Variants in TSC22D2 observed in about 807,000 individuals in gnomAD.
TSC22D2 encodes the protein TSC22 domain family protein 2.
A neutral mutation model predicts 50.1 loss-of-function variants in TSC22D2; 5 were observed. That is an observed-to-expected ratio of 0.10 (90% CI 0.05 to 0.21). The LOEUF (loss-of-function observed/expected upper bound fraction) is 0.21, where lower values mean the gene tolerates loss of function less well. Ranked by LOEUF, TSC22D2 falls within the 10% of genes least tolerant of loss-of-function variation. The pLI is 1.00. For missense variants in TSC22D2, 1,003 were observed against 1,015.5 expected (o/e 0.99, Z 0.17); for synonymous variants, 501 against 450.1 (o/e 1.11, Z -1.43).
chr3:150,440,568 A>G (rs776162526), intron 1 of TSC22D2, among the ~76,000 whole-genome samples: 23 of 152,276 alleles, frequency 1.5e-4, no homozygotes, highest in Non-Finnish European at 2.8e-4. Context: ...TTTAAAAAGC[A>G]GCTTTGAACT....
chr3:150,445,492 CAT>C (rs1157256207), intron 1 of TSC22D2, among the ~76,000 whole-genome samples: 2 of 151,824 alleles, frequency 1.3e-5, no homozygotes, highest in Admixed American at 1.3e-4. Flanking sequence ...TTGGGTGAAA[CAT>C]AAATATAAAA....
chr3:150,447,396 ACAAC>A (rs957578424), intron 1 of TSC22D2, among the ~76,000 whole-genome samples: 47 of 152,138 alleles, frequency 3.1e-4, no homozygotes, highest in African/African-American at 1.1e-3. Flanking sequence ...CTGCATTCTT[ACAAC>A]TTTCAAATCT....
chr3:150,457,325 T>G (rs1264145609), intron 2 of TSC22D2, among the ~76,000 whole-genome samples, 198 bp downstream of exon 2: 2 of 152,242 alleles, frequency 1.3e-5, no homozygotes, highest in Middle Eastern at 3.2e-3. Flanking sequence ...TAGATATTTC[T>G]TCCATTTGAA....
At chr3:150,418,956 G>T (rs1194867351) in intron 1 of TSC22D2, among the ~76,000 whole-genome samples, 2 of 151,868 alleles carry the variant, frequency 1.3e-5, no homozygotes, top group Non-Finnish European at 2.9e-5. Flanking sequence ...AAATATTTTG[G>T]TACCCCTGGC....
intron 1 of TSC22D2, among the ~76,000 whole-genome samples, chr3:150,456,521 A>G (rs143880851): frequency 1.3e-5 from 2 of 152,168 alleles, no homozygotes; most frequent in East Asian, 3.9e-4. Flanking sequence ...AATCCTACCC[A>G]AAGACTTTCT....
intron 1 of TSC22D2, among the ~76,000 whole-genome samples, chr3:150,418,974 TTAAG>T (rs1445051806): frequency 6.6e-6 from 1 of 152,012 alleles, no homozygotes; most frequent in African/African-American, 2.4e-5. Flanking sequence ...GGCTCTAAGT[TTAAG>T]TATTCTGTTT....
At chr3:150,432,526 T>A (rs1298833904) in intron 1 of TSC22D2, among the ~76,000 whole-genome samples, 1 of 151,896 alleles carries the variant, frequency 6.6e-6, no homozygotes, top group Non-Finnish European at 1.5e-5. Flanking sequence ...GTGAACTAAT[T>A]CGCCAAATTC....
At chr3:150,415,622 C>G (rs545659698) in intron 1 of TSC22D2, among the ~76,000 whole-genome samples, 5 of 152,152 alleles carry the variant, frequency 3.3e-5, no homozygotes, top group Non-Finnish European at 7.4e-5. Flanking sequence ...GGAGACCAGC[C>G]TGGGCAACAT....
At chr3:150,442,736 G>A (rs1178700880) in intron 1 of TSC22D2, among the ~76,000 whole-genome samples, 1 of 152,156 alleles carries the variant, frequency 6.6e-6, no homozygotes, top group Non-Finnish European at 1.5e-5. Context: ...GTCCAAGGCA[G>A]GAGGATTGCT....
At chr3:150,445,982 T>A (rs1254875218) in intron 1 of TSC22D2, among the ~76,000 whole-genome samples, 1 of 151,542 alleles carries the variant, frequency 6.6e-6, no homozygotes, top group Non-Finnish European at 1.5e-5. Flanking sequence ...TAGTCCCAGC[T>A]ACTCGGGAGG....
At position 150,460,999 on chromosome 3, in the gene TSC22D2, C is replaced by T. The variant is rs1256146418; in HGVS notation, c.*2363C>T. On this transcript the variant is annotated 3_prime_UTR_variant, in exon 3 of 3. Transcript: ENST00000688009. ...TAAATGGCAGTTTCTAAAGGTTCAA[C>T]CTCTAGTAACCTAAGAAATGCAAAT... The T allele has an allele frequency of 6.6e-6, 1 of 152,128 alleles. No individual in the cohort carries two copies. Among genetic ancestry groups the T allele is most frequent in the Non-Finnish European group, 1.5e-5 (1 of 68,026 alleles). The allele number at this position is 152,128 out of a possible 1,614,324, so 9.4% of individuals were successfully genotyped here.
chr3:150,411,442 T>C (rs1158167963), intron 1 of TSC22D2, 134 bp downstream of exon 1: 1 of 912,918 alleles, frequency 1.1e-6, no homozygotes, highest in Non-Finnish European at 1.6e-6. Flanking sequence ...TTTGGTAAAA[T>C]TGATTTAGAT....
chr3:150,421,724 G>A (rs924077870), intron 1 of TSC22D2, among the ~76,000 whole-genome samples: 2 of 151,902 alleles, frequency 1.3e-5, no homozygotes, highest in African/African-American at 2.4e-5. Flanking sequence ...AGACTTTAAG[G>A]CTCTTAATAG....
At chr3:150,429,240 G>T (rs1720297809) in intron 1 of TSC22D2, among the ~76,000 whole-genome samples, 1 of 152,086 alleles carries the variant, frequency 6.6e-6, no homozygotes, top group African/African-American at 2.4e-5. Flanking sequence ...TTGGAAATGA[G>T]AATTGCCATA....
chr3:150,419,237 A>G (rs967065476), intron 1 of TSC22D2, among the ~76,000 whole-genome samples: 4 of 152,064 alleles, frequency 2.6e-5, no homozygotes, highest in African/African-American at 9.7e-5. Context: ...TGAGTCACCT[A>G]GGTATTGGGT....
rs149001069 is a variant in TSC22D2, at chr3:150,410,979, C to T, written c.1629C>T (p.Ser543=). 3,996 of 1,614,230 alleles carry T rather than the reference C, an allele frequency of 2.5e-3. 32 individuals are homozygous for T. Among genetic ancestry groups the T allele is most frequent in the Non-Finnish European group, 1.6e-3 (1,830 of 1,180,054 alleles). The change falls in exon 1 of 3, where the codon AGC becomes AGT. Residue 543 remains serine, a synonymous_variant. Transcript: ENST00000688009. ...APLAQSQQLS[S]HTPVSRSSSI... ...TGGCCCAGTCGCAACAGCTGAGCAGCCATACGCCAGTCAGCAGGAGCAGCA... is the reference window on the plus strand; with the variant it reads ...TGGCCCAGTCGCAACAGCTGAGCAGTCATACGCCAGTCAGCAGGAGCAGCA...
At chr3:150,450,242 T>C (rs1454692867) in intron 1 of TSC22D2, among the ~76,000 whole-genome samples, 1 of 152,106 alleles carries the variant, frequency 6.6e-6, no homozygotes, top group Non-Finnish European at 1.5e-5. Flanking sequence ...TAGAAGATGC[T>C]GACAATAAAT....
At chr3:150,421,024 A>G (rs1719987532) in intron 1 of TSC22D2, among the ~76,000 whole-genome samples, 1 of 152,226 alleles carries the variant, frequency 6.6e-6, no homozygotes, top group Non-Finnish European at 1.5e-5. Flanking sequence ...CAGAGGTTGC[A>G]GTGAGCCGCG....
At chr3:150,413,175 C>T (rs1202019794) in intron 1 of TSC22D2, among the ~76,000 whole-genome samples, 1 of 152,144 alleles carries the variant, frequency 6.6e-6, no homozygotes, top group East Asian at 1.9e-4. Flanking sequence ...GGTATGACAT[C>T]AAAAATGCAT....
Sources: gnomAD v4.1 joint callset for allele counts (sites outside exome capture counted in the v4.1 genomes callset) on GRCh38, gnomAD v4.1.1 for gene constraint, MANE v1.5 for transcripts, NCBI Gene and HGNC (gene_info 2026-07-23, HGNC 2026-07-21) for gene names.